EPB41L4A: variants seen among roughly 807,000 people sequenced by gnomAD.
EPB41L4A encodes band 4.1-like protein 4A.
In EPB41L4A, 100 loss-of-function variants were observed where a neutral mutation model predicts 108.6. The ratio of observed to expected loss-of-function variants is 0.92; its 90% CI spans 0.78 to 1.09. The LOEUF (loss-of-function observed/expected upper bound fraction) is 1.09, where lower values mean the gene tolerates loss of function less well. EPB41L4A is among the 50% of genes least tolerant of loss of function. The pLI is 0.00. For synonymous variants in EPB41L4A, 319 were observed against 289.0 expected, an observed-to-expected ratio of 1.10 and a Z score of -1.05; for missense variants, 1,030 against 842.7, an observed-to-expected ratio of 1.22 and a Z score of -2.75.
chr5:112,299,907 A>G (rs1284835303), intron 2 of EPB41L4A, among the ~76,000 whole-genome samples: 1 of 152,224 alleles, frequency 6.6e-6, no homozygotes, highest in Admixed American at 6.5e-5. Context: ...TTATCATTAT[A>G]TAATGTCCTA....
intron 2 of EPB41L4A, among the ~76,000 whole-genome samples, chr5:112,282,130 G>A (rs1203353086): frequency 6.6e-6 from 1 of 152,160 alleles, no homozygotes; most frequent in Non-Finnish European, 1.5e-5. Context: ...AAATGCTCTT[G>A]GAGCCCACAG....
In EPB41L4A at chr5:112,253,430, A is replaced by G. The variant is rs138677461; in HGVS notation, c.795+5799T>C. 2.4e-3 allele frequency among the ~76,000 whole-genome samples: 361 copies of G among 152,350 alleles called. 1 individual carries two copies. The highest frequency in any genetic ancestry group is 8.4e-3 in the African/African-American group (348 of 41,580). Reference sequence around the variant, plus strand: ...TGTCAATTTTATAAAAGATAAAAAAATGCTATGAAAGTGTTCCAGATTAAA... The same window carrying G: ...TGTCAATTTTATAAAAGATAAAAAAGTGCTATGAAAGTGTTCCAGATTAAA... On this transcript the variant is annotated intron_variant, in intron 9 of 22. Coordinates refer to ENST00000261486, the MANE Select transcript of EPB41L4A (RefSeq NM_022140.5).
At chr5:112,370,844 C>A (rs1759450377) in intron 1 of EPB41L4A, among the ~76,000 whole-genome samples, 1 of 152,162 alleles carries the variant, frequency 6.6e-6, no homozygotes, top group African/African-American at 2.4e-5. Flanking sequence ...GAGGCTGAGG[C>A]ACAATAATCA....
chr5:112,221,907 G>A (rs977023839), intron 12 of EPB41L4A, among the ~76,000 whole-genome samples: 1 of 152,072 alleles, frequency 6.6e-6, no homozygotes, highest in Non-Finnish European at 1.5e-5. Context: ...AACCAGACTC[G>A]CCATACATTA....
At chr5:112,298,240 T>A (rs1170617353) in intron 2 of EPB41L4A, among the ~76,000 whole-genome samples, 1 of 152,142 alleles carries the variant, frequency 6.6e-6, no homozygotes, top group African/African-American at 2.4e-5. Flanking sequence ...TTCACATTAT[T>A]GATTCTACCC....
intron 12 of EPB41L4A, among the ~76,000 whole-genome samples, chr5:112,222,836 T>G (rs1008137700): frequency 6.6e-6 from 1 of 152,050 alleles, no homozygotes; most frequent in Non-Finnish European, 1.5e-5. Context: ...AAGTCCACTG[T>G]TACAGAGGGC....
intron 1 of EPB41L4A, among the ~76,000 whole-genome samples, chr5:112,333,732 T>TTTTGCA (rs1320391112): frequency 7.9e-5 from 12 of 152,176 alleles, no homozygotes; most frequent in African/African-American, 2.4e-4. Flanking sequence ...CCAGTTCTCT[T>TTTTGCA]TTTGCATAAA....
At chr5:112,194,694 C>CA (rs1161135347) in intron 16 of EPB41L4A, 49 bp from the exon 17 acceptor site, 1 of 1,344,458 alleles carries the variant, frequency 7.4e-7, no homozygotes, top group Non-Finnish European at 1.0e-6. Context: ...ATTTATAACT[C>CA]ACGAACAATT....
intron 9 of EPB41L4A, among the ~76,000 whole-genome samples, chr5:112,242,407 T>C (rs889047911): frequency 1.3e-5 from 2 of 152,224 alleles, no homozygotes; most frequent in Non-Finnish European, 2.9e-5. Context: ...TCAAGTTTTA[T>C]CATGGGATTG....
intron 1 of EPB41L4A, among the ~76,000 whole-genome samples, chr5:112,356,970 A>G (rs555124496): frequency 8.5e-4 from 130 of 152,298 alleles, no homozygotes; most frequent in South Asian, 4.6e-3. Flanking sequence ...AATATATACC[A>G]GTCTAAGATA....
chr5:112,167,657 T>G (rs1455427825), intron 22 of EPB41L4A, among the ~76,000 whole-genome samples: 1 of 152,174 alleles, frequency 6.6e-6, no homozygotes, highest in Non-Finnish European at 1.5e-5. Context: ...AAGAGCCATC[T>G]CAGCTCTAGA....
At chr5:112,237,685 A>G (rs938445887) in intron 11 of EPB41L4A, among the ~76,000 whole-genome samples, 1 of 152,170 alleles carries the variant, frequency 6.6e-6, no homozygotes, top group Admixed American at 6.5e-5. Context: ...GGGCAGGCAT[A>G]TTGTGCTGGT....
intron 12 of EPB41L4A, among the ~76,000 whole-genome samples, chr5:112,231,571 G>A (rs1156506064): frequency 1.3e-5 from 2 of 150,216 alleles, no homozygotes; most frequent in East Asian, 3.9e-4. Context: ...GGATCATGAG[G>A]TCAGGAGATC....
At position 112,324,594 on chromosome 5, in the gene EPB41L4A, G is replaced by A. The variant is rs576564264; in HGVS notation, c.100-17104C>T. 9.2e-5 allele frequency among the ~76,000 whole-genome samples: 14 copies of A among 151,882 alleles called. No individual in the cohort carries two copies. In the East Asian group the frequency reaches 1.2e-3, roughly 13 times the overall value. ...AAAAATTAGCCAGGCGTGGTGGAAC[G>A]CGTCTGTAGTCCCAGTGACTCGGGA... is the stretch of plus-strand genomic sequence containing the variant. On this transcript the variant is annotated intron_variant, in intron 1 of 22. Transcript: ENST00000261486.
chr5:112,334,778 G>A (rs1756810230), intron 1 of EPB41L4A, among the ~76,000 whole-genome samples: 1 of 152,076 alleles, frequency 6.6e-6, no homozygotes, highest in Non-Finnish European at 1.5e-5. Flanking sequence ...ACCTCCTGAG[G>A]CTGTGTCATG....
chr5:112,337,210 T>C (rs992403597), intron 1 of EPB41L4A, among the ~76,000 whole-genome samples: 3 of 152,210 alleles, frequency 2.0e-5, no homozygotes, highest in African/African-American at 7.2e-5. Context: ...ATTAATGAGA[T>C]ATCTAGCTAC....
chr5:112,227,264 C>G (rs538154185), intron 12 of EPB41L4A, among the ~76,000 whole-genome samples: 1 of 152,266 alleles, frequency 6.6e-6, no homozygotes, highest in East Asian at 1.9e-4. Context: ...TTACCCCTCA[C>G]TCTCAAAAGC....
intron 17 of EPB41L4A, 105 bp from the exon 18 acceptor site, chr5:112,184,240 T>C: frequency 7.7e-7 from 1 of 1,291,382 alleles, no homozygotes; most frequent in Non-Finnish European, 1.1e-6. Flanking sequence ...AGAAATTTTA[T>C]TATGATCATT....
chr5:112,287,291 T>C (rs1753353509), intron 2 of EPB41L4A, among the ~76,000 whole-genome samples: 1 of 152,230 alleles, frequency 6.6e-6, no homozygotes, highest in Non-Finnish European at 1.5e-5. Flanking sequence ...ATTGTTCTCC[T>C]GCAGTCTTCA....
Sources: gnomAD v4.1 joint callset for allele counts (sites outside exome capture counted in the v4.1 genomes callset) on GRCh38, gnomAD v4.1.1 for gene constraint, MANE v1.5 for transcripts, NCBI Gene and HGNC (gene_info 2026-07-23, HGNC 2026-07-21) for gene names.